LAMA2: variants seen among roughly 807,000 people sequenced by gnomAD.
LAMA2 encodes laminin subunit alpha-2.
Under a neutral mutation model 364.8 loss-of-function variants are expected in LAMA2, and 269 were observed. That is an observed-to-expected ratio of 0.74 (90% CI 0.67 to 0.82). The LOEUF (loss-of-function observed/expected upper bound fraction) is 0.82, where lower values mean the gene tolerates loss of function less well. LAMA2 is among the 40% of genes least tolerant of loss of function. The probability of loss-of-function intolerance (pLI) is 0.00; values close to 1 mark genes in which losing one functional copy is unlikely to be tolerated. For missense variants in LAMA2, 3,807 were observed against 3,873.2 expected, an observed-to-expected ratio of 0.98 and a Z score of 0.45; for synonymous variants, 1,379 against 1,370.6, an observed-to-expected ratio of 1.01 and a Z score of -0.14.
rs182539195 is a variant in LAMA2 at position 129,193,011 on chromosome 6, G to A, written c.1782+158G>A. On this transcript the variant is annotated intron_variant, in intron 12 of 64. Coordinates refer to ENST00000421865, the MANE Select transcript of LAMA2 (RefSeq NM_000426.4). ...ACATTGAGTTGGGCGTTTCTTCCAT[G>A]TTGCACAAGACCTTAAAGAGCCACG... 1.1e-3 allele frequency among the ~76,000 whole-genome samples: 169 copies of A among 152,310 alleles called. 1 individual carries two copies. The highest frequency in any genetic ancestry group is 9.6e-4 in the Non-Finnish European group (65 of 68,026).
At position 129,259,448 on chromosome 6, in the gene LAMA2, C is replaced by T. The variant is rs571245636; in HGVS notation, c.2097-1263C>T. On this transcript the variant is annotated intron_variant, in intron 14 of 64. Transcript: ENST00000421865. ...TGGTTACAAGATGCCATATCATATG[C>T]TATAAAATGTCTATCGGTAATTTTT... Among the ~76,000 whole-genome samples, 10 of 152,144 alleles carry T rather than the reference C, an allele frequency of 6.6e-5. No individual in the cohort carries two copies. The South Asian group carries it at 2.1e-3, about 31-fold the overall frequency.
chr6:129,483,160 G>A (rs184915379), intron 55 of LAMA2, among the ~76,000 whole-genome samples: 1 of 149,866 alleles, frequency 6.7e-6, no homozygotes, highest in East Asian at 2.0e-4. Context: ...AAATTTAACA[G>A]TCATTCATGA....
intron 9 of LAMA2, among the ~76,000 whole-genome samples, chr6:129,173,544 G>T (rs1264052815): frequency 1.3e-5 from 2 of 152,072 alleles, no homozygotes; most frequent in East Asian, 3.9e-4. Flanking sequence ...TCTTTTCAAA[G>T]ATTTTCACAG....
At chr6:129,419,562 T>C (rs1780968508) in intron 40 of LAMA2, among the ~76,000 whole-genome samples, 2 of 152,190 alleles carry the variant, frequency 1.3e-5, no homozygotes, top group African/African-American at 4.8e-5. Context: ...TGAGCAATTA[T>C]GTCTGTCATG....
chr6:129,166,471 C>A (rs888277423), intron 9 of LAMA2, among the ~76,000 whole-genome samples: 1 of 152,048 alleles, frequency 6.6e-6, no homozygotes, highest in African/African-American at 2.4e-5. Context: ...ATTCTTGTTA[C>A]CTGCTTTCTT....
intron 1 of LAMA2, among the ~76,000 whole-genome samples, chr6:128,940,714 G>C (rs1780099717): frequency 6.6e-6 from 1 of 152,184 alleles, no homozygotes; most frequent in Admixed American, 6.5e-5. Context: ...CATTTCTAGA[G>C]ACCAGGGTGA....
At chr6:129,248,130 C>A (rs771883639) in intron 12 of LAMA2, among the ~76,000 whole-genome samples, 3 of 152,146 alleles carry the variant, frequency 2.0e-5, no homozygotes, top group Non-Finnish European at 4.4e-5. Context: ...GAGCAGGAAC[C>A]TTATTGTGAA....
chr6:128,975,381 A>T (rs556191174), intron 1 of LAMA2, among the ~76,000 whole-genome samples: 35 of 152,270 alleles, frequency 2.3e-4, no homozygotes, highest in African/African-American at 7.0e-4. Context: ...TGGATGGACC[A>T]TGATATTCCA....
At chr6:129,155,533 T>C (rs1294913454) in intron 8 of LAMA2, among the ~76,000 whole-genome samples, 4 of 152,130 alleles carry the variant, frequency 2.6e-5, no homozygotes, top group African/African-American at 9.6e-5. Context: ...AAAGTCTAAA[T>C]ATTTTTTTAT....
intron 12 of LAMA2, among the ~76,000 whole-genome samples, chr6:129,211,179 C>A (rs1405087542): frequency 6.6e-6 from 1 of 152,096 alleles, no homozygotes; most frequent in African/African-American, 2.4e-5. Context: ...TAAAGTGACT[C>A]CATGACAACA....
In LAMA2 at chr6:129,242,740, G is replaced by T. The variant is rs1013758649; in HGVS notation, c.1783-7372G>T. Reference sequence around the variant, plus strand: ...AGCTGTTGCAAAGACCCTGTTTTTGGGTCTGGGCCTAACAGCACGAAGCAC... The same window carrying T: ...AGCTGTTGCAAAGACCCTGTTTTTGTGTCTGGGCCTAACAGCACGAAGCAC... On this transcript the variant is annotated intron_variant, in intron 12 of 64. Coordinates refer to ENST00000421865, the MANE Select transcript of LAMA2 (RefSeq NM_000426.4). Among the ~76,000 whole-genome samples, 5 of 152,042 alleles carry T rather than the reference G, an allele frequency of 3.3e-5. 1 individual carries two copies. The highest frequency in any genetic ancestry group is 6.3e-3 in the Middle Eastern group (2 of 316).
chr6:129,478,741 A>G lies in LAMA2; in HGVS notation c.7500A>G (p.Glu2500=), dbSNP rs760602693. The change falls in exon 54 of 65, where the codon GAA becomes GAG. Residue 2500 remains glutamate (E), a synonymous_variant. Transcript: ENST00000421865. ...KKYSGCLKDI[E]ISRTPYNILS... ...ATTCCGGCTGCCTCAAAGATATTGA[A>G]ATTTCAAGAACTCCGTACAATATAC... is the stretch of plus-strand genomic sequence containing the variant. The G allele has an allele frequency of 6.2e-7, 1 of 1,612,988 alleles. No individual in the cohort carries two copies. Among genetic ancestry groups the G allele is most frequent in the Non-Finnish European group, 8.5e-7 (1 of 1,178,998 alleles).
chr6:129,073,568 C>G (rs556477419), intron 3 of LAMA2, among the ~76,000 whole-genome samples: 1 of 152,210 alleles, frequency 6.6e-6, no homozygotes, highest in African/African-American at 2.4e-5. Flanking sequence ...TTTGTCTTCT[C>G]TTCTTTTGAG....
At chr6:129,004,998 T>G (rs912567552) in intron 1 of LAMA2, among the ~76,000 whole-genome samples, 1 of 152,098 alleles carries the variant, frequency 6.6e-6, no homozygotes, top group African/African-American at 2.4e-5. Context: ...TCAAAACTTT[T>G]ATAACACATC....
chr6:129,108,271 T>G (rs959974405), intron 4 of LAMA2, among the ~76,000 whole-genome samples: 6 of 152,172 alleles, frequency 3.9e-5, no homozygotes, highest in African/African-American at 1.4e-4. Flanking sequence ...GTTTTTTAAA[T>G]ATTTTTTATT....
At chr6:129,099,426 C>T (rs544337721) in intron 4 of LAMA2, among the ~76,000 whole-genome samples, 1 of 152,066 alleles carries the variant, frequency 6.6e-6, no homozygotes, top group South Asian at 2.1e-4. Flanking sequence ...GACTTAGTGA[C>T]TCTCTTGAAT....
At chr6:129,328,172 G>T (rs529515984) in intron 28 of LAMA2, 106 bp from the exon 29 acceptor site, 1 of 945,404 alleles carries the variant, frequency 1.1e-6, no homozygotes, top group South Asian at 1.3e-5. Context: ...TGCCCCTGCC[G>T]CAGGTGGGGG....
chr6:129,389,530 C>T (rs971621620), intron 35 of LAMA2, among the ~76,000 whole-genome samples: 12 of 152,248 alleles, frequency 7.9e-5, no homozygotes, highest in East Asian at 5.8e-4. Flanking sequence ...ATGACCTAAT[C>T]TCCTCTCAAA....
chr6:129,090,759 G>A (rs1774768382), intron 3 of LAMA2, among the ~76,000 whole-genome samples: 1 of 152,136 alleles, frequency 6.6e-6, no homozygotes, highest in Admixed American at 6.5e-5. Context: ...TATAGATTGT[G>A]CTATGTGCTT....
Sources: allele counts gnomAD v4.1 joint callset (sites outside exome capture counted in the v4.1 genomes callset), GRCh38; gene constraint gnomAD v4.1.1; transcripts MANE v1.5; gene names NCBI Gene and HGNC (gene_info 2026-07-23, HGNC 2026-07-21).